Variants in COL9A1 observed in about 807,000 individuals in gnomAD.
COL9A1 encodes collagen type IX alpha 1 chain.
In COL9A1, 104 loss-of-function variants were observed where a neutral mutation model predicts 142.6. That is an observed-to-expected ratio of 0.73 (90% CI 0.62 to 0.86). The LOEUF (loss-of-function observed/expected upper bound fraction) is 0.86, where lower values mean the gene tolerates loss of function less well. Among genes scored for constraint, COL9A1 ranks in the 40% least tolerant of loss-of-function variants. COL9A1 has a pLI of 0.00. For missense variants in COL9A1, 1,210 were observed against 1,176.6 expected, an observed-to-expected ratio of 1.03 and a Z score of -0.42; for synonymous variants, 466 against 396.0, an observed-to-expected ratio of 1.18 and a Z score of -2.10.
At chr6:70,263,497 A>C (rs10945210) in intron 18 of COL9A1, among the ~76,000 whole-genome samples, 200 bp from the exon 19 acceptor site, 1 of 151,954 alleles carries the variant, frequency 6.6e-6, no homozygotes, top group Non-Finnish European at 1.5e-5. Context: ...ACATATAAAA[A>C]GTCACCAAAA....
downstream of COL9A1, chr6:70,215,167 G>A (rs771989797): frequency 2.0e-5 from 3 of 152,040 alleles, no homozygotes; most frequent in Non-Finnish European, 2.9e-5. Context: ...ATTTTCAAAA[G>A]TCATATTTGA....
At position 70,266,728 on chromosome 6, in the gene COL9A1, G is replaced by A. The variant is rs1772042015; in HGVS notation, c.1330C>T (p.Gln444Ter). ...CCCATTTTCCTTACCTTGTGTCCTTGTCTTCCTGGTTCACCAATTTCTCCT... is the reference window on the plus strand; with the variant it reads ...CCCATTTTCCTTACCTTGTGTCCTTATCTTCCTGGTTCACCAATTTCTCCT... ...AKGEIGEPGR[Q>*]GHKGEEGDQG... The change falls in exon 18 of 38, where the codon CAA (glutamine) becomes TAA (stop). Residue 444 changes from glutamine (Q) to a stop codon, truncating the protein, a stop_gained. Coordinates refer to ENST00000357250, the MANE Select transcript of COL9A1 (RefSeq NM_001851.6). LOFTEE classifies it high-confidence loss of function. 1 of 1,612,882 alleles carries A rather than the reference G, an allele frequency of 6.2e-7. No individual in the cohort carries two copies. Among genetic ancestry groups the A allele is most frequent in the Admixed American group, 1.7e-5 (1 of 59,978 alleles).
At chr6:70,240,883 G>A in intron 31 of COL9A1, 150 bp from the exon 32 acceptor site, 2 of 734,346 alleles carry the variant, frequency 2.7e-6, no homozygotes, top group East Asian at 2.5e-5. Context: ...TTCCAATCTA[G>A]CTGTCAGTGG....
intron 37 of COL9A1, among the ~76,000 whole-genome samples, chr6:70,225,265 T>C (rs7765390): frequency 0.83 from 126,336 of 152,052 alleles, 53,108 homozygotes; most frequent in African/African-American, 0.96. Flanking sequence ...AGTCATTTCC[T>C]AAGGGATAAG....
chr6:70,220,971 A>G (rs983780503), intron 37 of COL9A1, among the ~76,000 whole-genome samples: 1 of 152,228 alleles, frequency 6.6e-6, no homozygotes, highest in African/African-American at 2.4e-5. Flanking sequence ...GATGATGGAT[A>G]TACTAATTAC....
chr6:70,300,267 T>C (rs1000929999), intron 3 of COL9A1, 42 bp downstream of exon 3: 46 of 1,603,794 alleles, frequency 2.9e-5, no homozygotes, highest in Non-Finnish European at 3.8e-5. Context: ...AAATCAGGTT[T>C]ATAGAAAGCA....
rs1244329065 is a variant in COL9A1 at position 70,227,548 on chromosome 6, A to G, written c.2504-1539T>C. On this transcript the variant is annotated intron_variant, in intron 36 of 37. Transcript: ENST00000357250. ...TATGCACTATTATGAATTGCTGATAAGAGTATAAATTTGTACAATCCCATT... is the reference window on the plus strand; with the variant it reads ...TATGCACTATTATGAATTGCTGATAGGAGTATAAATTTGTACAATCCCATT... 2.0e-5 allele frequency among the ~76,000 whole-genome samples: 3 copies of G among 152,068 alleles called. No homozygotes were observed. The East Asian group carries it at 5.8e-4, about 29-fold the overall frequency.
intron 33 of COL9A1, among the ~76,000 whole-genome samples, chr6:70,235,800 C>T (rs796216565): frequency 6.6e-6 from 1 of 152,140 alleles, no homozygotes; most frequent in African/African-American, 2.4e-5. Flanking sequence ...TAAAATACCA[C>T]ATTTAAAATG....
intron 20 of COL9A1, among the ~76,000 whole-genome samples, chr6:70,257,048 A>ATTT (rs542296705): frequency 2.2e-4 from 23 of 105,042 alleles, no homozygotes; most frequent in Admixed American, 3.1e-4. Context: ...CCACTCTGTA[A>ATTT]TTTTTTTTTT....
At chr6:70,254,924 A>G (rs565823859) in intron 24 of COL9A1, 39 bp downstream of exon 24, 36 of 1,581,320 alleles carry the variant, frequency 2.3e-5, no homozygotes, top group Non-Finnish European at 3.1e-5. Context: ...CAGGGCAGAG[A>G]CAGCCCCACT....
chr6:70,219,141 A>G (rs9346372), intron 37 of COL9A1, among the ~76,000 whole-genome samples: 35,541 of 152,060 alleles, frequency 0.23, 5,022 homozygotes, highest in East Asian at 0.44. Flanking sequence ...GGTGAAGTTG[A>G]TTTTTTTAAG....
chr6:70,254,563 T>C (rs1256571903), intron 24 of COL9A1, 34 bp from the exon 25 acceptor site: 1 of 1,599,682 alleles, frequency 6.3e-7, no homozygotes, highest in Non-Finnish European at 8.6e-7. Flanking sequence ...TGATTGAACC[T>C]GTATGAGCTG....
intron 10 of COL9A1, among the ~76,000 whole-genome samples, chr6:70,277,539 A>C (rs3793073): frequency 0.066 from 10,013 of 152,204 alleles, 527 homozygotes; most frequent in South Asian, 0.21. Context: ...ATACAGACAA[A>C]CTTCTATACA....
Position 70,252,307 on chromosome 6 carries a change from T to A in COL9A1, c.1773A>T (p.Thr591=). The change falls in exon 27 of 38, where the codon ACA becomes ACT. Residue 591 remains threonine (T), a synonymous_variant. Coordinates refer to ENST00000357250, the MANE Select transcript of COL9A1 (RefSeq NM_001851.6). ...AKGVAGEKGS[T]GAPGKPGQMG... The stretch of plus-strand genomic sequence containing the variant: ...TCTGACCAGGCTTCCCTGGAGCACC[T>A]GTGCTACCCTAAGGGTAAAATGCAA... 1 of 1,614,074 alleles carries A rather than the reference T, an allele frequency of 6.2e-7. No individual in the cohort carries two copies. Among genetic ancestry groups the A allele is most frequent in the Non-Finnish European group, 8.5e-7 (1 of 1,179,900 alleles).
chr6:70,293,218 G>A (rs1773719679), intron 5 of COL9A1, among the ~76,000 whole-genome samples: 1 of 152,126 alleles, frequency 6.6e-6, no homozygotes, highest in South Asian at 2.1e-4. Context: ...AGAGAGGTTG[G>A]CCTCAAGATT....
chr6:70,218,563 C>A (rs1220415305), intron 37 of COL9A1, among the ~76,000 whole-genome samples: 1 of 152,196 alleles, frequency 6.6e-6, no homozygotes, highest in Non-Finnish European at 1.5e-5. Context: ...TCTCAGCCAT[C>A]TTAACCTGGT....
intron 28 of COL9A1, among the ~76,000 whole-genome samples, chr6:70,249,546 A>G (rs972390118): frequency 1.3e-5 from 2 of 152,170 alleles, no homozygotes; most frequent in African/African-American, 4.8e-5. Flanking sequence ...ATGGAAATGA[A>G]GAGTCAAATA....
intron 10 of COL9A1, chr6:70,280,569 G>T (rs927938876): frequency 2.9e-6 from 4 of 1,392,084 alleles, no homozygotes; most frequent in Non-Finnish European, 3.8e-6. Context: ...AGTACCCGCT[G>T]CTGTTTTCTA....
At chr6:70,249,164 C>T (rs112907405) in intron 28 of COL9A1, among the ~76,000 whole-genome samples, 21 of 119,312 alleles carry the variant, frequency 1.8e-4, no homozygotes, top group Non-Finnish European at 3.8e-4. Flanking sequence ...TCTTACTGTC[C>T]GTGGAAATCC....
Sources: allele counts gnomAD v4.1 joint callset (sites outside exome capture counted in the v4.1 genomes callset), GRCh38; gene constraint gnomAD v4.1.1; transcripts MANE v1.5; gene names NCBI Gene and HGNC (gene_info 2026-07-23, HGNC 2026-07-21).